EBF2: variants seen among roughly 807,000 people sequenced by gnomAD.
EBF2 encodes the protein EBF transcription factor 2.
EBF2 carries 21 observed loss-of-function variants against 72.8 expected under a neutral mutation model. The ratio of observed to expected loss-of-function variants is 0.29; its 90% CI spans 0.20 to 0.42. The LOEUF is 0.42. EBF2 is among the 10% of genes least tolerant of loss of function. The probability of loss-of-function intolerance (pLI) is 1.00; values close to 1 mark genes in which losing one functional copy is unlikely to be tolerated. For synonymous variants in EBF2, 299 were observed against 274.2 expected, an observed-to-expected ratio of 1.09 and a Z score of -0.89; for missense variants, 637 against 731.2, an observed-to-expected ratio of 0.87 and a Z score of 1.49.
At chr8:26,040,540 G>C (rs1284683984) in intron 4 of EBF2, 76 bp downstream of exon 4, 3 of 1,406,516 alleles carry the variant, frequency 2.1e-6, no homozygotes, top group Non-Finnish European at 2.9e-6. Flanking sequence ...AGGAGGGGCA[G>C]GTCAGAAACA....
At chr8:25,875,263 T>G (rs1802504126) in intron 10 of EBF2, among the ~76,000 whole-genome samples, 1 of 152,234 alleles carries the variant, frequency 6.6e-6, no homozygotes, top group African/African-American at 2.4e-5. Context: ...GAATTGTGCT[T>G]GTGCTTTTAT....
Position 26,040,940 on chromosome 8 carries a change from G to C in EBF2, c.351C>G (p.Asn117Lys). Residue 117 changes from asparagine to lysine, a missense_variant and splice_region_variant, in exon 3 of 16, where the codon AAC (asparagine) becomes AAG (lysine). By Grantham distance (94) the Asn-to-Lys change is moderately conservative. This residue lies in a region of EBF2 where 174 missense variants were observed against 161.9 expected (regional missense o/e 1.07). Transcript: ENST00000520164. ...CACCGTTGCTGTAGAAGAGCTCACC[G>C]TTGCTGTAGAGGAGCTGTAACTTGT... ...THYKLQLLYS[N>K]GVRTEQDLYV... is the part of the protein sequence containing the mutation. 1 of 1,614,206 alleles carries C rather than the reference G, an allele frequency of 6.2e-7. No homozygotes were observed. The highest frequency in any genetic ancestry group is 8.5e-7 in the Non-Finnish European group (1 of 1,180,038).
At chr8:25,887,705 CT>C in intron 9 of EBF2, 136 bp downstream of exon 9, 2 of 1,038,606 alleles carry the variant, frequency 1.9e-6, no homozygotes, top group South Asian at 2.8e-5. Flanking sequence ...GCAGTGGATA[CT>C]TATCTTCTTA....
chr8:25,883,634 TGC>T (rs957765277), intron 10 of EBF2, among the ~76,000 whole-genome samples: 58 of 152,260 alleles, frequency 3.8e-4, no homozygotes, highest in African/African-American at 1.3e-3. Context: ...CTTTTACACA[TGC>T]ACACACACGT....
intron 6 of EBF2, among the ~76,000 whole-genome samples, chr8:25,913,035 G>A (rs1457395653): frequency 6.6e-6 from 1 of 152,098 alleles, no homozygotes; most frequent in African/African-American, 2.4e-5. Flanking sequence ...TCTCATCAAT[G>A]GTCTAGCACA....
intron 10 of EBF2, among the ~76,000 whole-genome samples, chr8:25,870,451 G>A (rs1563382969): frequency 6.6e-6 from 1 of 151,944 alleles, no homozygotes; most frequent in Non-Finnish European, 1.5e-5. Flanking sequence ...CCCCCACCCT[G>A]GCAAGTGCTC....
In EBF2 at chr8:25,944,589, A is replaced by C. The variant is rs558671477; in HGVS notation, c.552-36034T>G. Among the ~76,000 whole-genome samples, 5 of 148,668 alleles carry C rather than the reference A, an allele frequency of 3.4e-5. No homozygotes were observed. In the South Asian group the frequency reaches 1.0e-3, roughly 31 times the overall value. ...TATATATTGAATATATTACAATATT[A>C]ATACAGTCTATAAATTATATTGCAT... On this transcript the variant is annotated intron_variant, in intron 6 of 15. Coordinates refer to ENST00000520164, the MANE Select transcript of EBF2 (RefSeq NM_022659.4).
At chr8:25,854,797 T>A (rs996907351) in intron 14 of EBF2, among the ~76,000 whole-genome samples, 6 of 152,328 alleles carry the variant, frequency 3.9e-5, no homozygotes, top group Admixed American at 3.9e-4. Flanking sequence ...TATTTTACAA[T>A]AGAGAATGTC....
intron 6 of EBF2, among the ~76,000 whole-genome samples, chr8:26,007,900 T>TA (rs201656932): frequency 0.079 from 11,329 of 142,834 alleles, 812 homozygotes; most frequent in East Asian, 0.35. Context: ...CAGGTTTCCC[T>TA]AAAAAAAAAA....
chr8:26,020,258 C>T (rs923781503), intron 6 of EBF2, among the ~76,000 whole-genome samples: 4 of 152,152 alleles, frequency 2.6e-5, no homozygotes, highest in Non-Finnish European at 4.4e-5. Flanking sequence ...TATCCCTCCC[C>T]GGGGAAGGAG....
chr8:25,986,027 T>TAAAAAAAAAAAAAAAAAAAA (rs1486130098), intron 6 of EBF2, among the ~76,000 whole-genome samples: 1 of 29,156 alleles, frequency 3.4e-5, no homozygotes, highest in African/African-American at 1.3e-4. Context: ...AAAAAAAAAG[T>TAAAAAAAAAAAAAAAAAAAA]ACATGAGGGG....
chr8:25,853,201 G>C (rs775301841), intron 14 of EBF2, among the ~76,000 whole-genome samples: 1 of 152,164 alleles, frequency 6.6e-6, no homozygotes. Context: ...AGGATGGTTA[G>C]AGGTTCACAA....
intron 6 of EBF2, among the ~76,000 whole-genome samples, chr8:25,922,187 G>T (rs1803315581): frequency 6.6e-6 from 1 of 151,822 alleles, no homozygotes; most frequent in Non-Finnish European, 1.5e-5. Context: ...AAAGTGCTTG[G>T]CTGAGCCCAG....
At chr8:25,850,559 A>G (rs777408181) in intron 15 of EBF2, 35 bp downstream of exon 15, 6 of 1,507,722 alleles carry the variant, frequency 4.0e-6, no homozygotes, top group Non-Finnish European at 5.3e-6. Context: ...ACCCTATGGT[A>G]CATTGTGTAT....
Position 26,044,777 on chromosome 8 carries a change from G to A in EBF2, c.83C>T (p.Ser28Phe). 1 of 1,614,126 alleles carries A rather than the reference G, an allele frequency of 6.2e-7. No homozygotes were observed. The highest frequency in any genetic ancestry group is 8.5e-7 in the Non-Finnish European group (1 of 1,180,028). Reference protein sequence around the residue: ...SLGAEMDSVRSWVRNVGVVDA... With the variant: ...SLGAEMDSVRFWVRNVGVVDA... ...CACCACTCCGACATTCCGGACCCAGGACCTGACCGAATCCATCTCCGCGCC... is the reference window on the plus strand; with the variant it reads ...CACCACTCCGACATTCCGGACCCAGAACCTGACCGAATCCATCTCCGCGCC... Residue 28 changes from serine (S) to phenylalanine (F), a missense_variant, in exon 1 of 16, where the codon TCC becomes TTC. Coordinates refer to ENST00000520164, the MANE Select transcript of EBF2 (RefSeq NM_022659.4). The surrounding 1 kb of genome is among the most constrained non-coding windows in gnomAD (Gnocchi z 4.1).
chr8:25,911,926 G>T (rs749036234), intron 6 of EBF2, among the ~76,000 whole-genome samples: 1 of 152,220 alleles, frequency 6.6e-6, no homozygotes, highest in African/African-American at 2.4e-5. Context: ...CCCTGAGGCT[G>T]ATGGGCAGAT....
At chr8:25,850,874 A>G in intron 14 of EBF2, 113 bp from the exon 15 acceptor site, 1 of 1,266,754 alleles carries the variant, frequency 7.9e-7, no homozygotes, top group African/African-American at 1.6e-5. Context: ...TCCAGATTGC[A>G]GGGATTAAAA....
At chr8:25,909,799 T>A (rs1803097241) in intron 6 of EBF2, among the ~76,000 whole-genome samples, 1 of 152,236 alleles carries the variant, frequency 6.6e-6, no homozygotes, top group Non-Finnish European at 1.5e-5. Context: ...GAAGGGGAAT[T>A]GGCTTTTCAG....
intron 6 of EBF2, among the ~76,000 whole-genome samples, chr8:26,007,798 A>G (rs1309004215): frequency 6.6e-6 from 1 of 151,220 alleles, no homozygotes; most frequent in East Asian, 1.9e-4. Context: ...GCACATGTGC[A>G]CACACACACA....
Sources: gnomAD v4.1 joint callset for allele counts (sites outside exome capture counted in the v4.1 genomes callset) on GRCh38, gnomAD v4.1.1 for gene constraint, gnomAD v4.1.1 regional missense constraint, Gnocchi (gnomAD v3.1) non-coding constraint, MANE v1.5 for transcripts, NCBI Gene and HGNC (gene_info 2026-07-23, HGNC 2026-07-21) for gene names.